Variants in ITIH2 observed in about 807,000 individuals in gnomAD.
The protein encoded by ITIH2 is inter-alpha-trypsin inhibitor heavy chain H2.
In ITIH2, 103 loss-of-function variants were observed where a neutral mutation model predicts 104.4. The ratio of observed to expected loss-of-function variants is 0.99; its 90% confidence interval spans 0.84 to 1.16. The LOEUF is 1.16. ITIH2 is among the 50% of genes most tolerant of loss of function. ITIH2 has a pLI of 0.00. For synonymous variants in ITIH2, 436 were observed against 435.4 expected (o/e 1.00, Z -0.02); for missense variants, 1,108 against 1,162.4 (o/e 0.95, Z 0.68).
chr10:7,743,325 G>A, intron 17 of ITIH2, 66 bp downstream of exon 17: 2 of 810,792 alleles, frequency 2.5e-6, no homozygotes, highest in Non-Finnish European at 4.1e-6. Context: ...TCACTGCCTG[G>A]GATTTCTTTC....
At chr10:7,724,344 G>T (rs1195596638) in intron 9 of ITIH2, among the ~76,000 whole-genome samples, 1 of 152,098 alleles carries the variant, frequency 6.6e-6, no homozygotes, top group Non-Finnish European at 1.5e-5. Flanking sequence ...GCCAAGGCAG[G>T]TGGATCACCT....
intron 11 of ITIH2, among the ~76,000 whole-genome samples, chr10:7,729,336 A>G (rs1030974717): frequency 5.9e-5 from 9 of 152,036 alleles, no homozygotes; most frequent in Non-Finnish European, 8.8e-5. Flanking sequence ...AAATTAAACC[A>G]TAATTTGGTT....
chr10:7,738,812 G>A, intron 16 of ITIH2, 54 bp downstream of exon 16: 2 of 1,515,464 alleles, frequency 1.3e-6, no homozygotes, highest in Non-Finnish European at 1.8e-6. Context: ...CATAATCCTG[G>A]GAAGCATTGT....
intron 20 of ITIH2, among the ~76,000 whole-genome samples, chr10:7,747,497 G>A (rs1835190282): frequency 6.6e-6 from 1 of 152,200 alleles, no homozygotes; most frequent in Non-Finnish European, 1.5e-5. Flanking sequence ...TTTATGGGAG[G>A]AATGAGGTAC....
chr10:7,737,034 G>C (rs1034517918), intron 15 of ITIH2, among the ~76,000 whole-genome samples: 4 of 152,016 alleles, frequency 2.6e-5, no homozygotes, highest in African/African-American at 9.7e-5. Context: ...AAGCCCTGTG[G>C]TTTGTACAAG....
At chr10:7,745,148 T>C (rs1274597745) in intron 19 of ITIH2, among the ~76,000 whole-genome samples, 185 bp downstream of exon 19, 2 of 152,140 alleles carry the variant, frequency 1.3e-5, no homozygotes, top group African/African-American at 4.8e-5. Context: ...CAGACAAGGT[T>C]GTCCAGGGCC....
intron 15 of ITIH2, among the ~76,000 whole-genome samples, chr10:7,738,349 A>G (rs1449867206): frequency 6.9e-6 from 1 of 143,976 alleles, no homozygotes; most frequent in Non-Finnish European, 1.5e-5. Context: ...CCCGGCCTGC[A>G]CTGGAGTCAC....
At chr10:7,747,573 A>C (rs1835191391) in intron 20 of ITIH2, among the ~76,000 whole-genome samples, 1 of 152,104 alleles carries the variant, frequency 6.6e-6, no homozygotes, top group Non-Finnish European at 1.5e-5. Context: ...TGTTAATAGT[A>C]AGTTATCTGA....
chr10:7,713,436 G>T, intron 5 of ITIH2, 151 bp downstream of exon 5: 1 of 610,242 alleles, frequency 1.6e-6, no homozygotes, highest in Non-Finnish European at 2.9e-6. Flanking sequence ...ATTAGGCACT[G>T]CAGTTTCTAT....
At chr10:7,731,360 G>A (rs540895466) in intron 12 of ITIH2, among the ~76,000 whole-genome samples, 116 of 152,218 alleles carry the variant, frequency 7.6e-4, no homozygotes, top group African/African-American at 2.7e-3. Flanking sequence ...TGATAATTAC[G>A]AGCATTTTCC....
At chr10:7,723,148 C>CGTGGAGTGGAGTGAA (rs1834921554) in intron 8 of ITIH2, among the ~76,000 whole-genome samples, 5 of 139,520 alleles carry the variant, frequency 3.6e-5, no homozygotes, top group African/African-American at 8.2e-5. Context: ...CGTGGAGTGG[C>CGTGGAGTGGAGTGAA]GTGGCGTGGA....
intron 4 of ITIH2, among the ~76,000 whole-genome samples, chr10:7,712,401 C>T (rs1288627435): frequency 1.3e-5 from 2 of 152,194 alleles, no homozygotes; most frequent in African/African-American, 4.8e-5. Flanking sequence ...TAAGGTTCAA[C>T]ATGCACATTT....
intron 15 of ITIH2, among the ~76,000 whole-genome samples, chr10:7,737,678 T>A (rs111218139): frequency 0.043 from 670 of 15,598 alleles, 169 homozygotes; most frequent in Middle Eastern, 0.1. Context: ...TATTCTATAT[T>A]TTCTATATTA....
chr10:7,717,591 A>C (rs754391957), intron 5 of ITIH2, 35 bp from the exon 6 acceptor site: 12 of 1,599,274 alleles, frequency 7.5e-6, no homozygotes, highest in Non-Finnish European at 1.0e-5. Flanking sequence ...TCAATCATGT[A>C]TCTGTTGACT....
intron 5 of ITIH2, among the ~76,000 whole-genome samples, chr10:7,714,496 T>C (rs1001906995): frequency 1.3e-5 from 2 of 152,106 alleles, no homozygotes; most frequent in Non-Finnish European, 2.9e-5. Context: ...GGCCAAATGC[T>C]GCCGTGTTTC....
At chr10:7,748,770 T>A (rs1014894286) in intron 20 of ITIH2, among the ~76,000 whole-genome samples, 3 of 151,830 alleles carry the variant, frequency 2.0e-5, no homozygotes, top group Admixed American at 6.6e-5. Context: ...GGTCTTGAAC[T>A]CCTGGCCTCA....
rs150146365 is a variant in ITIH2 at position 7,709,055 on chromosome 10, A to C, written c.226A>C (p.Lys76Gln). ...EVDQVTLYSYKVQSTITSRMA... is the reference protein window; with the variant it reads ...EVDQVTLYSYQVQSTITSRMA... Reference sequence around the variant, plus strand: ...TGATCAAGTAACTCTTTATAGCTATAAAGTCCAGTCTACTATTACTTCTCG... The same window carrying C: ...TGATCAAGTAACTCTTTATAGCTATCAAGTCCAGTCTACTATTACTTCTCG... Residue 76 changes from lysine (K) to glutamine (Q), a missense_variant, in exon 4 of 21, where the codon AAA (lysine) becomes CAA (glutamine). Coordinates refer to ENST00000358415, the MANE Select transcript of ITIH2 (RefSeq NM_002216.3). The C allele has an allele frequency of 6.2e-7, 1 of 1,614,108 alleles. No individual in the cohort carries two copies. The highest frequency in any genetic ancestry group is 1.1e-5 in the South Asian group (1 of 91,080).
intron 5 of ITIH2, among the ~76,000 whole-genome samples, chr10:7,717,423 G>T (rs975779116): frequency 1.3e-5 from 2 of 152,206 alleles, no homozygotes; most frequent in African/African-American, 4.8e-5. Flanking sequence ...GCTGGAGATC[G>T]GGTAGGAGAG....
rs1189907196 is a variant in ITIH2, at chr10:7,709,044, T to C, written c.215T>C (p.Leu72Pro). The change falls in exon 4 of 21, where the codon CTT (leucine) becomes CCT (proline). Residue 72 changes from leucine to proline, a missense_variant. Transcript: ENST00000358415. ...EMMEEVDQVT[L>P]YSYKVQSTIT... Reference sequence around the variant, plus strand: ...CAGGAAGAGGTTGATCAAGTAACTCTTTATAGCTATAAAGTCCAGTCTACT... The same window carrying C: ...CAGGAAGAGGTTGATCAAGTAACTCCTTATAGCTATAAAGTCCAGTCTACT... 1 of 1,614,112 alleles carries C rather than the reference T, an allele frequency of 6.2e-7. No individual in the cohort carries two copies. The highest frequency in any genetic ancestry group is 1.7e-5 in the Admixed American group (1 of 60,016).
Sources: gnomAD v4.1 joint callset for allele counts (sites outside exome capture counted in the v4.1 genomes callset) on GRCh38, gnomAD v4.1.1 for gene constraint, MANE v1.5 for transcripts, NCBI Gene and HGNC (gene_info 2026-07-23, HGNC 2026-07-21) for gene names.